ZNF536: variants seen among roughly 807,000 people sequenced by gnomAD.
The protein encoded by ZNF536 is zinc finger protein 536.
Under a neutral mutation model 84.5 loss-of-function variants are expected in ZNF536, and 13 were observed. That is an observed-to-expected ratio of 0.15 (90% confidence interval 0.10 to 0.24). ZNF536 has a LOEUF of 0.24. ZNF536 is among the 10% of genes least tolerant of loss of function. The pLI is 1.00. For missense variants in ZNF536, 1,536 were observed against 1,747.5 expected (o/e 0.88, Z 2.16); for synonymous variants, 811 against 742.5 (o/e 1.09, Z -1.50).
chr19:30,704,133 T>C (rs1273171622), intron 1 of ZNF536, among the ~76,000 whole-genome samples: 1 of 152,316 alleles, frequency 6.6e-6, no homozygotes, highest in South Asian at 2.1e-4. Flanking sequence ...GGCTATCGCC[T>C]TGATGCTCTC....
Position 30,462,803 on chromosome 19 carries a change from T to C in ZNF536, c.2170+17071T>C, listed in dbSNP as rs189787945. On this transcript the variant is annotated intron_variant, in intron 2 of 4. Transcript: ENST00000355537. ...GTGTGTGTTGGGATGCATGTATCCA[T>C]ATGCATTTGCCTGTGTTGGAATGGA... Among the ~76,000 whole-genome samples the C allele has an allele frequency of 2.1e-4, 32 of 150,698 alleles. 1 individual carries two copies. The East Asian group carries it at 3.9e-3, about 19-fold the overall frequency.
chr19:30,667,607 A>C (rs2050381271), intron 1 of ZNF536, among the ~76,000 whole-genome samples: 1 of 124,976 alleles, frequency 8.0e-6, no homozygotes, highest in African/African-American at 3.1e-5. Flanking sequence ...AGACTCTCTC[A>C]GCTAGAGTTT....
At chr19:30,595,366 C>T (rs964419278) in intron 1 of ZNF536, among the ~76,000 whole-genome samples, 2 of 152,136 alleles carry the variant, frequency 1.3e-5, no homozygotes, top group East Asian at 1.9e-4. Flanking sequence ...TAGTTCACTG[C>T]AGCCTTGATC....
At chr19:30,666,435 C>T (rs904348589) in intron 1 of ZNF536, among the ~76,000 whole-genome samples, 6 of 152,118 alleles carry the variant, frequency 3.9e-5, no homozygotes, top group African/African-American at 1.4e-4. Flanking sequence ...TTTCTCCCCT[C>T]TCCTCCCATC....
chr19:30,414,139 T>G (rs995421064), intron 1 of ZNF536, among the ~76,000 whole-genome samples: 1 of 151,724 alleles, frequency 6.6e-6, no homozygotes, highest in Admixed American at 6.6e-5. Context: ...ATTTAATGTT[T>G]TGGCCTCAAA....
intron 1 of ZNF536, among the ~76,000 whole-genome samples, chr19:30,381,803 G>A (rs985327248): frequency 6.6e-6 from 1 of 152,202 alleles, no homozygotes; most frequent in African/African-American, 2.4e-5. Context: ...TTCAGAGTCT[G>A]CAGGGAGGTG....
intron 3 of ZNF536, among the ~76,000 whole-genome samples, chr19:30,539,610 G>A (rs1252354887): frequency 2.0e-5 from 3 of 152,300 alleles, no homozygotes; most frequent in Admixed American, 2.0e-4. Context: ...CTCCTGAGAG[G>A]TTGGCAAATC....
intron 1 of ZNF536, among the ~76,000 whole-genome samples, chr19:30,579,827 C>G (rs570155839): frequency 5.9e-5 from 9 of 152,278 alleles, no homozygotes; most frequent in Admixed American, 5.9e-4. Flanking sequence ...GTGAGATGTT[C>G]CATTATGTTT....
At chr19:30,597,189 C>A (rs2047497333) in intron 1 of ZNF536, among the ~76,000 whole-genome samples, 1 of 152,248 alleles carries the variant, frequency 6.6e-6, no homozygotes, top group African/African-American at 2.4e-5. Context: ...CCCCCAACTT[C>A]TGTGGGATGG....
At chr19:30,699,503 A>C (rs911570462) in intron 1 of ZNF536, among the ~76,000 whole-genome samples, 1 of 152,220 alleles carries the variant, frequency 6.6e-6, no homozygotes, top group African/African-American at 2.4e-5. Context: ...AGGATATTCC[A>C]AAGTGTTTTA....
chr19:30,602,468 G>T (rs994930827), intron 1 of ZNF536, among the ~76,000 whole-genome samples: 9 of 152,162 alleles, frequency 5.9e-5, no homozygotes, highest in Non-Finnish European at 1.2e-4. Flanking sequence ...ACATTTGGAG[G>T]CCTTGACAAA....
intron 1 of ZNF536, among the ~76,000 whole-genome samples, chr19:30,691,059 T>C (rs1233758545): frequency 6.6e-6 from 1 of 152,044 alleles, no homozygotes; most frequent in Non-Finnish European, 1.5e-5. Flanking sequence ...CAGAAGAACA[T>C]GTTTCTAGAG....
intron 1 of ZNF536, among the ~76,000 whole-genome samples, chr19:30,417,273 A>G (rs1353834826): frequency 6.7e-6 from 1 of 150,252 alleles, no homozygotes; most frequent in Non-Finnish European, 1.5e-5. Context: ...CTGGGATTAT[A>G]AGCATGAGCC....
At chr19:30,625,809 A>T (rs1368410283) in intron 1 of ZNF536, among the ~76,000 whole-genome samples, 1 of 152,180 alleles carries the variant, frequency 6.6e-6, no homozygotes, top group African/African-American at 2.4e-5. Flanking sequence ...GGTGAATGAC[A>T]TGCCCTTTGG....
intron 2 of ZNF536, among the ~76,000 whole-genome samples, chr19:30,454,791 G>A (rs1600806040): frequency 6.6e-6 from 1 of 152,296 alleles, no homozygotes; most frequent in Admixed American, 6.5e-5. Context: ...CCAGCACTTT[G>A]GGAGGCCGAG....
intron 2 of ZNF536, among the ~76,000 whole-genome samples, chr19:30,482,134 T>G (rs2054115743): frequency 6.6e-6 from 1 of 151,514 alleles, no homozygotes; most frequent in East Asian, 1.9e-4. Context: ...TGTGTGAATG[T>G]GTGTGTGTGT....
intron 1 of ZNF536, among the ~76,000 whole-genome samples, chr19:30,625,367 G>A (rs1389046752): frequency 6.6e-6 from 1 of 152,138 alleles, no homozygotes; most frequent in South Asian, 2.1e-4. Context: ...TAATCTAGGA[G>A]GAAAGCTAGT....
chr19:30,369,701 A>G (rs143828898), upstream of ZNF536, among the ~76,000 whole-genome samples: 28 of 152,348 alleles, frequency 1.8e-4, no homozygotes, highest in East Asian at 3.3e-3. Context: ...GCATAATTGA[A>G]TATTGTTAAC....
At chr19:30,258,664 T>C (rs1438679173) in intron 1 of ZNF536, among the ~76,000 whole-genome samples, 3 of 151,854 alleles carry the variant, frequency 2.0e-5, no homozygotes, top group Admixed American at 1.3e-4. Flanking sequence ...ACATAAGTCA[T>C]ATGTAGTCAT....
Sources: gnomAD v4.1 joint callset for allele counts (sites outside exome capture counted in the v4.1 genomes callset) on GRCh38, gnomAD v4.1.1 for gene constraint, MANE v1.5 for transcripts, NCBI Gene and HGNC (gene_info 2026-07-23, HGNC 2026-07-21) for gene names.